Variants in CADM3 observed in about 807,000 individuals in gnomAD.
CADM3 encodes cell adhesion molecule 3.
In CADM3, 11 loss-of-function variants were observed where a neutral mutation model predicts 44.9. The observed-to-expected ratio is 0.25, with a 90% confidence interval of 0.15 to 0.41. CADM3 has a LOEUF of 0.41. Among genes scored for constraint, CADM3 ranks in the 10% least tolerant of loss-of-function variants. CADM3 has a pLI of 1.00. For synonymous variants in CADM3, 207 were observed against 205.2 expected (o/e 1.01, Z -0.08); for missense variants, 426 against 512.0 (o/e 0.83, Z 1.62).
rs1044479132 is a variant in CADM3, at chr1:159,179,796, T to A, written c.88+7943T>A. ...AAAATGAGAAGCCAGTTTTACCATC[T>A]GCTCCTAATCATTTTTTTTTTGCCC... On this transcript the variant is annotated intron_variant, in intron 1 of 8. Transcript: ENST00000368125. 2.0e-5 allele frequency among the ~76,000 whole-genome samples: 3 copies of A among 152,326 alleles called. No homozygotes were observed. In the South Asian group the frequency reaches 6.2e-4, roughly 32 times the overall value.
At chr1:159,189,885 G>T (rs770780625) in intron 1 of CADM3, 5 of 1,572,392 alleles carry the variant, frequency 3.2e-6, no homozygotes, top group Non-Finnish European at 4.3e-6. Context: ...GAGAATCCAG[G>T]CCCCCTCATC....
At chr1:159,196,822 A>ATTTTT in intron 6 of CADM3, 69 bp from the exon 7 acceptor site, 4 of 1,138,478 alleles carry the variant, frequency 3.5e-6, no homozygotes, top group Non-Finnish European at 3.6e-6. Flanking sequence ...GCTCCCAGTT[A>ATTTTT]TTTTTTTTTT....
At chr1:159,187,401 C>T (rs1649459808) in intron 1 of CADM3, among the ~76,000 whole-genome samples, 1 of 152,090 alleles carries the variant, frequency 6.6e-6, no homozygotes, top group Non-Finnish European at 1.5e-5. Flanking sequence ...TCAAAAAAGC[C>T]CCCAAAGCAC....
chr1:159,191,853 A>G, intron 1 of CADM3, 83 bp from the exon 2 acceptor site: 3 of 1,551,848 alleles, frequency 1.9e-6, no homozygotes, highest in Non-Finnish European at 2.6e-6. Context: ...GGATGGTCTG[A>G]ACTAGATGAG....
intron 1 of CADM3, among the ~76,000 whole-genome samples, chr1:159,177,140 G>T (rs12064129): frequency 0.059 from 8,985 of 152,116 alleles, 896 homozygotes; most frequent in African/African-American, 0.21. Flanking sequence ...ACGGTAAGTT[G>T]TAGCACATTA....
intron 1 of CADM3, among the ~76,000 whole-genome samples, chr1:159,191,037 G>A (rs1167368780): frequency 2.0e-5 from 3 of 152,168 alleles, no homozygotes; most frequent in African/African-American, 7.2e-5. Flanking sequence ...GGGGAACAAG[G>A]AACAACAGGA....
At chr1:159,181,006 T>C (rs1181270219) in intron 1 of CADM3, among the ~76,000 whole-genome samples, 1 of 150,596 alleles carries the variant, frequency 6.6e-6, no homozygotes, top group Non-Finnish European at 1.5e-5. Flanking sequence ...TATGAGCAAG[T>C]TGTTGGAACC....
intron 7 of CADM3, among the ~76,000 whole-genome samples, chr1:159,199,311 G>A (rs980598967): frequency 1.3e-5 from 2 of 151,076 alleles, no homozygotes; most frequent in African/African-American, 4.9e-5. Context: ...AGAAAAAGAG[G>A]GAGAAAAGAA....
At chr1:159,191,814 C>T in intron 1 of CADM3, 122 bp from the exon 2 acceptor site, 1 of 1,149,236 alleles carries the variant, frequency 8.7e-7, no homozygotes, top group Non-Finnish European at 1.3e-6. Flanking sequence ...CTTACGGGTA[C>T]ACAGAGACCT....
rs1649779078 is a variant in CADM3 at position 159,193,871 on chromosome 1, A to G, written c.522A>G (p.Gly174=). The G allele has an allele frequency of 6.2e-7, 1 of 1,613,256 alleles. No individual in the cohort carries two copies. The highest frequency in any genetic ancestry group is 8.5e-7 in the Non-Finnish European group (1 of 1,179,602). The change falls in exon 5 of 9, where the codon GGA becomes GGG. Residue 174 remains glycine (G), a splice_region_variant and synonymous_variant. Transcript: ENST00000368125. ...TGTGCCACTGTTTCTGCACTCTAGG[A>G]GAACCAACCCGCATACAGGAAGATC... ...TWRKGDQELH[G]EPTRIQEDPN... is the part of the protein sequence containing the mutation.
chr1:159,199,739 C>G lies in CADM3; in HGVS notation c.953-12C>G. 1 of 1,614,052 alleles carries G rather than the reference C, an allele frequency of 6.2e-7. No homozygotes were observed. The highest frequency in any genetic ancestry group is 2.2e-5 in the East Asian group (1 of 44,878). ...CCCCAGATCTGACTGTGTGTGTTGC[C>G]CTTTCTTCCAGACCCCAGTCCGGTG... is the stretch of plus-strand genomic sequence containing the variant. On this transcript the variant is annotated splice_polypyrimidine_tract_variant and intron_variant, in intron 7 of 8. Coordinates refer to ENST00000368125, the MANE Select transcript of CADM3 (RefSeq NM_001127173.3).
Position 159,191,924 on chromosome 1 carries a change from C to T in CADM3, c.89-12C>T, listed in dbSNP as rs2102122678. ...GGGTCCTCAGGAAACTAACACTCTT[C>T]TACTCCTGCAGACAGCCAGCCCTGG... On this transcript the variant is annotated splice_polypyrimidine_tract_variant and intron_variant, in intron 1 of 8. Coordinates refer to ENST00000368125, the MANE Select transcript of CADM3 (RefSeq NM_001127173.3). 6.2e-7 allele frequency: 1 copy of T among 1,613,898 alleles called. No homozygotes were observed. Among genetic ancestry groups the T allele is most frequent in the Non-Finnish European group, 8.5e-7 (1 of 1,179,950 alleles).
At chr1:159,182,805 A>G (rs1191130347) in intron 1 of CADM3, among the ~76,000 whole-genome samples, 8 of 152,254 alleles carry the variant, frequency 5.3e-5, no homozygotes, top group Admixed American at 5.2e-4. Flanking sequence ...GGAACTATGT[A>G]AAATATATGT....
chr1:159,172,141 T>C (rs763383152), intron 1 of CADM3, among the ~76,000 whole-genome samples: 3 of 152,034 alleles, frequency 2.0e-5, no homozygotes, highest in Admixed American at 6.6e-5. Flanking sequence ...GGGGTCTGGA[T>C]GTGTTGCTGT....
In CADM3 at chr1:159,201,821, G is replaced by GCC. The variant is rs777820010; in HGVS notation, c.*902_*903dup. On this transcript the variant is annotated 3_prime_UTR_variant, in exon 9 of 9. Transcript: ENST00000368125. ...CTGCCTCTGCTTCCCCCCCTGAGGG[G>GCC]CCCCTCACTCTTACCCAAGACTCTG... The GCC allele has an allele frequency of 7.9e-5, 12 of 152,676 alleles. No homozygotes were observed. Among genetic ancestry groups the GCC allele is most frequent in the African/African-American group, 1.2e-4 (5 of 41,432 alleles). The allele number at this position is 152,676 out of a possible 1,614,324, so 9.5% of individuals were successfully genotyped here.
At position 159,201,003 on chromosome 1, in the gene CADM3, C is replaced by A; in HGVS notation, c.*81C>A. 1 of 967,144 alleles carries A rather than the reference C, an allele frequency of 1.0e-6. No individual in the cohort carries two copies. The highest frequency in any genetic ancestry group is 1.8e-5 in the South Asian group (1 of 54,736). The allele number at this position is 967,144 out of a possible 1,614,324, so 59.9% of individuals were successfully genotyped here. On this transcript the variant is annotated 3_prime_UTR_variant, in exon 9 of 9. Coordinates refer to ENST00000368125, the MANE Select transcript of CADM3 (RefSeq NM_001127173.3). ...GTCACCAACCCGGACTTGTACAGAG[C>A]AACCGCAGGGCCGCCCCTCCCGCTT...
intron 1 of CADM3, among the ~76,000 whole-genome samples, chr1:159,182,059 C>CAG (rs199824485): frequency 0.09 from 11,489 of 127,540 alleles, 1,422 homozygotes; most frequent in African/African-American, 0.29. Flanking sequence ...CACAGACAGA[C>CAG]ACACACACAC....
At chr1:159,184,962 A>C (rs1649363122) in intron 1 of CADM3, among the ~76,000 whole-genome samples, 1 of 152,234 alleles carries the variant, frequency 6.6e-6, no homozygotes, top group African/African-American at 2.4e-5. Flanking sequence ...AAAATGCTGG[A>C]AATCCTAAAG....
At chr1:159,194,414 T>C in intron 5 of CADM3, 1 of 166,002 alleles carries the variant, frequency 6.0e-6, no homozygotes. Context: ...GCCAGTATAA[T>C]GTAGCCAGGC....
Sources: gnomAD v4.1 joint callset for allele counts (sites outside exome capture counted in the v4.1 genomes callset) on GRCh38, gnomAD v4.1.1 for gene constraint, MANE v1.5 for transcripts, NCBI Gene and HGNC (gene_info 2026-07-23, HGNC 2026-07-21) for gene names.